Variants in CREB1 observed in about 807,000 individuals in gnomAD.
The protein encoded by CREB1 is cAMP responsive element binding protein 1.
A neutral mutation model predicts 42.0 loss-of-function variants in CREB1; 2 were observed. The observed-to-expected ratio is 0.05, with a 90% CI of 0.02 to 0.15. CREB1 has a LOEUF of 0.15. Ranked by LOEUF, CREB1 falls within the 10% of genes least tolerant of loss-of-function variation. CREB1 has a pLI of 1.00. For missense variants in CREB1, 199 were observed against 388.9 expected, an observed-to-expected ratio of 0.51 and a Z score of 4.11; for synonymous variants, 123 against 139.9, an observed-to-expected ratio of 0.88 and a Z score of 0.85.
intron 7 of CREB1, 34 bp downstream of exon 7, chr2:207,577,689 G>T: frequency 6.2e-7 from 1 of 1,609,184 alleles, no homozygotes; most frequent in Non-Finnish European, 8.5e-7. Context: ...ATTGTTATGT[G>T]TTAAGTGTGT....
chr2:207,550,550 T>A (rs1333009896), intron 1 of CREB1: 1 of 152,156 alleles, frequency 6.6e-6, no homozygotes, highest in East Asian at 1.9e-4. Context: ...TTGACGATTA[T>A]AAGGACTGGG....
At chr2:207,574,363 G>A (rs2082490677) in intron 5 of CREB1, among the ~76,000 whole-genome samples, 1 of 152,132 alleles carries the variant, frequency 6.6e-6, no homozygotes, top group Non-Finnish European at 1.5e-5. Context: ...ACCCCTACAG[G>A]GAGAATTGTC....
At chr2:207,547,524 T>C (rs1221377115) in intron 1 of CREB1, among the ~76,000 whole-genome samples, 2 of 152,178 alleles carry the variant, frequency 1.3e-5, no homozygotes, top group Non-Finnish European at 1.5e-5. Flanking sequence ...CAAATAGCCA[T>C]TTAGTAACAC....
intron 1 of CREB1, among the ~76,000 whole-genome samples, chr2:207,547,612 G>A (rs968902507): frequency 1.3e-5 from 2 of 151,926 alleles, no homozygotes; most frequent in African/African-American, 4.8e-5. Context: ...CCCATTAAGT[G>A]GGTGTTTGGA....
chr2:207,540,669 T>TAAAAAAAAAAAAAAAAAA lies in CREB1; in HGVS notation c.-9+10546_-9+10563dup, dbSNP rs35714520. On this transcript the variant is annotated intron_variant, in intron 1 of 7. Coordinates refer to ENST00000353267, the MANE Select transcript of CREB1 (RefSeq NM_004379.5). ...AAGTTTAACAAAAAAGTTTAAAAAG[T>TAAAAAAAAAAAAAAAAAA]AAAAAAAAAAAAAAAAAAAAAAAAA... Among the ~76,000 whole-genome samples, 19 of 64,254 alleles carry TAAAAAAAAAAAAAAAAAA rather than the reference T, an allele frequency of 3.0e-4. 1 individual carries two copies. Among genetic ancestry groups the TAAAAAAAAAAAAAAAAAA allele is most frequent in the Middle Eastern group, 0.016 (1 of 62 alleles). The allele number at this position is 64,254 out of a possible 152,430, so 42.2% of individuals were successfully genotyped here.
At position 207,604,726 on chromosome 2, in the gene CREB1, G is replaced by A. The variant is rs1444498586; in HGVS notation, c.*7668G>A. On this transcript the variant is annotated 3_prime_UTR_variant, in exon 8 of 8. Coordinates refer to ENST00000353267, the MANE Select transcript of CREB1 (RefSeq NM_004379.5). ...CTCATCACTCCAAAAGTAAAGTCCCGTTACTCTCCATTTTCTCCTCCCACC... is the reference window on the plus strand; with the variant it reads ...CTCATCACTCCAAAAGTAAAGTCCCATTACTCTCCATTTTCTCCTCCCACC... 6.6e-6 allele frequency among the ~76,000 whole-genome samples: 1 copy of A among 152,062 alleles called. No individual in the cohort carries two copies. Among genetic ancestry groups the A allele is most frequent in the Non-Finnish European group, 1.5e-5 (1 of 68,014 alleles).
intron 7 of CREB1, among the ~76,000 whole-genome samples, chr2:207,583,970 A>C (rs912564136): frequency 6.6e-6 from 1 of 152,142 alleles, no homozygotes; most frequent in Non-Finnish European, 1.5e-5. Flanking sequence ...CATCTAGCAA[A>C]ATGCATTTAA....
At chr2:207,590,083 G>GTTT (rs59126515) in intron 7 of CREB1, among the ~76,000 whole-genome samples, 1,055 of 76,048 alleles carry the variant, frequency 0.014, 32 homozygotes, top group African/African-American at 0.033. Context: ...ATTTTGAGAA[G>GTTT]TTTTTTTTTT....
intron 5 of CREB1, among the ~76,000 whole-genome samples, chr2:207,573,077 T>C (rs1310682233): frequency 6.6e-6 from 1 of 152,252 alleles, no homozygotes; most frequent in Non-Finnish European, 1.5e-5. Flanking sequence ...TGACTCATGA[T>C]GTTTCCCTCT....
chr2:207,539,807 A>G (rs1427501476), intron 1 of CREB1, among the ~76,000 whole-genome samples: 1 of 152,218 alleles, frequency 6.6e-6, no homozygotes, highest in Non-Finnish European at 1.5e-5. Context: ...GTAAGTACAG[A>G]TAAAATGGAG....
chr2:207,560,415 T>C (rs1408395948), intron 3 of CREB1, 43 bp downstream of exon 3: 2 of 1,575,708 alleles, frequency 1.3e-6, no homozygotes, highest in African/African-American at 2.7e-5. Flanking sequence ...ATAACTTTTG[T>C]TTATAGCCAT....
chr2:207,583,729 T>C (rs1444439193), intron 7 of CREB1, among the ~76,000 whole-genome samples: 1 of 152,226 alleles, frequency 6.6e-6, no homozygotes, highest in Non-Finnish European at 1.5e-5. Context: ...TTATGGGTTT[T>C]GATAGATGCA....
chr2:207,576,582 C>T (rs2082608703), intron 6 of CREB1: 5 of 702,046 alleles, frequency 7.1e-6, no homozygotes, highest in South Asian at 1.6e-5. Context: ...GAAAAAGATA[C>T]TATTTTGCTT....
intron 5 of CREB1, among the ~76,000 whole-genome samples, chr2:207,574,141 A>G (rs191979416): frequency 6.6e-6 from 1 of 152,326 alleles, no homozygotes; most frequent in Non-Finnish European, 1.5e-5. Context: ...GGCAGTAATC[A>G]ATTTTCCATG....
chr2:207,550,952 T>G (rs943542686), intron 1 of CREB1, among the ~76,000 whole-genome samples: 1 of 152,228 alleles, frequency 6.6e-6, no homozygotes, highest in Admixed American at 6.5e-5. Flanking sequence ...TTTTAAAATT[T>G]TTATTCTGTT....
chr2:207,552,908 G>A (rs1476237201), intron 1 of CREB1, among the ~76,000 whole-genome samples: 1 of 151,838 alleles, frequency 6.6e-6, no homozygotes, highest in East Asian at 1.9e-4. Context: ...GAGCCACCGC[G>A]CCCGGCTGTG....
chr2:207,600,116 T>TA lies in CREB1; in HGVS notation c.*3059dup, dbSNP rs1559090882. ...TCATTATTAAATAATTGCTATCAGA[T>TA]ACAATTTTAAGTTCATTCTTTTTCA... is the stretch of plus-strand genomic sequence containing the variant. On this transcript the variant is annotated 3_prime_UTR_variant, in exon 8 of 8. Transcript: ENST00000353267. 1 of 184,126 alleles carries TA rather than the reference T, an allele frequency of 5.4e-6. No homozygotes were observed. The highest frequency in any genetic ancestry group is 2.3e-5 in the African/African-American group (1 of 42,694). The allele number at this position is 184,126 out of a possible 1,614,324, so 11.4% of individuals were successfully genotyped here. A position where few individuals can be genotyped will look rare whatever the true frequency, so the allele number is the denominator to read the frequency against.
At chr2:207,550,146 TAGTC>T (rs989272906) in intron 1 of CREB1, 10 of 152,256 alleles carry the variant, frequency 6.6e-5, no homozygotes, top group Middle Eastern at 3.4e-3. Flanking sequence ...GACAACAAAA[TAGTC>T]ATTTAGTTTG....
At chr2:207,588,458 A>T (rs972390175) in intron 7 of CREB1, among the ~76,000 whole-genome samples, 1 of 152,160 alleles carries the variant, frequency 6.6e-6, no homozygotes, top group African/African-American at 2.4e-5. Flanking sequence ...GAATTTGATA[A>T]TGTGAGTCCT....
Sources: allele counts gnomAD v4.1 joint callset (sites outside exome capture counted in the v4.1 genomes callset), GRCh38; gene constraint gnomAD v4.1.1; transcripts MANE v1.5; gene names NCBI Gene and HGNC (gene_info 2026-07-23, HGNC 2026-07-21).